Variants in CASP5 observed in about 807,000 individuals in gnomAD.
CASP5 encodes caspase 5.
In CASP5, 42 loss-of-function variants were observed where a neutral mutation model predicts 45.2. The ratio of observed to expected loss-of-function variants is 0.93; its 90% CI spans 0.73 to 1.20. CASP5 has a LOEUF of 1.20. Ranked by LOEUF, CASP5 falls within the 50% of genes most tolerant of loss-of-function variation. CASP5 has a pLI of 0.00. For synonymous variants in CASP5, 209 were observed against 186.2 expected (o/e 1.12, Z -1.00); for missense variants, 512 against 532.2 (o/e 0.96, Z 0.37).
chr11:105,006,854 CT>C (rs747855252), intron 3 of CASP5, among the ~76,000 whole-genome samples: 7 of 152,206 alleles, frequency 4.6e-5, no homozygotes, highest in Admixed American at 6.6e-5. Flanking sequence ...CCCTTATTAA[CT>C]ATTTCTGTGC....
intron 5 of CASP5, among the ~76,000 whole-genome samples, chr11:105,000,821 T>C (rs1383592340): frequency 1.3e-5 from 2 of 152,192 alleles, no homozygotes; most frequent in African/African-American, 2.4e-5. Context: ...TCATGTGTTA[T>C]AAACGCATCA....
At chr11:105,002,943 A>G (rs1356527657) in intron 4 of CASP5, among the ~76,000 whole-genome samples, 1 of 152,122 alleles carries the variant, frequency 6.6e-6, no homozygotes, top group Non-Finnish European at 1.5e-5. Flanking sequence ...CCCGCCTGTA[A>G]TCCCAGTGCT....
chr11:104,995,142 G>C (rs1236603573), intron 9 of CASP5: 1 of 152,212 alleles, frequency 6.6e-6, no homozygotes, highest in African/African-American at 2.4e-5. Context: ...TGAAGGGTCT[G>C]TTTCCCATTT....
chr11:104,998,610 C>T (rs758104274), intron 7 of CASP5, among the ~76,000 whole-genome samples: 18 of 152,024 alleles, frequency 1.2e-4, no homozygotes, highest in Non-Finnish European at 1.6e-4. Context: ...TGGTGTGTGG[C>T]GAATGGGGTT....
At position 105,000,487 on chromosome 11, in the gene CASP5, C is replaced by T; in HGVS notation, c.726G>A (p.Glu242=). Residue 242 remains glutamate (E), a synonymous_variant, in exon 6 of 10, where the codon GAG becomes GAA. Coordinates refer to ENST00000260315, the MANE Select transcript of CASP5 (RefSeq NM_004347.5). ...DEKNLTARDM[E]SVLRAFAARP... is the part of the protein sequence containing the mutation. ...TGGCAGCAAATGCCCTCAGCACTGA[C>T]TCCATATCCTATAAAAGAGCAATGT... 1 of 1,614,026 alleles carries T rather than the reference C, an allele frequency of 6.2e-7. No individual in the cohort carries two copies. Among genetic ancestry groups the T allele is most frequent in the South Asian group, 1.1e-5 (1 of 91,078 alleles).
chr11:105,009,286 G>T (rs538943996), intron 1 of CASP5, among the ~76,000 whole-genome samples: 1 of 151,766 alleles, frequency 6.6e-6, no homozygotes, highest in South Asian at 2.1e-4. Flanking sequence ...TCTCTCTCTT[G>T]CTCAAACTCA....
At chr11:105,007,394 C>A in intron 2 of CASP5, 60 bp from the exon 3 acceptor site, 1 of 1,462,900 alleles carries the variant, frequency 6.8e-7, no homozygotes, top group Non-Finnish European at 9.2e-7. Context: ...TCTGCCTTCA[C>A]CTAAGACATA....
intron 1 of CASP5, among the ~76,000 whole-genome samples, chr11:105,009,634 T>A (rs1282839834): frequency 6.7e-6 from 1 of 148,444 alleles, no homozygotes; most frequent in East Asian, 2.0e-4. Context: ...ATTTAACAAA[T>A]ATTATGGTAG....
chr11:105,001,547 C>T (rs1045194274), intron 5 of CASP5, among the ~76,000 whole-genome samples: 8 of 152,086 alleles, frequency 5.3e-5, no homozygotes, highest in Non-Finnish European at 8.8e-5. Context: ...GCTCCTGTAG[C>T]CCCAGCTACT....
At chr11:104,996,434 A>G (rs1005998120) in intron 8 of CASP5, among the ~76,000 whole-genome samples, 6 of 152,294 alleles carry the variant, frequency 3.9e-5, no homozygotes, top group South Asian at 2.1e-4. Flanking sequence ...TTCTCTATTC[A>G]CAGAAACCCC....
intron 1 of CASP5, among the ~76,000 whole-genome samples, chr11:105,019,996 T>C (rs1862860967): frequency 6.9e-6 from 1 of 145,590 alleles, no homozygotes; most frequent in African/African-American, 2.5e-5. Context: ...GCAAGGCTGG[T>C]TCAATATACG....
chr11:105,007,470 C>T (rs1306340343), intron 2 of CASP5, 136 bp from the exon 3 acceptor site: 18 of 851,880 alleles, frequency 2.1e-5, no homozygotes, highest in African/African-American at 1.7e-5. Context: ...GAATAACACA[C>T]ATCTTTTTTT....
At chr11:105,003,223 G>A in intron 4 of CASP5, 51 bp downstream of exon 4, 2 of 1,119,212 alleles carry the variant, frequency 1.8e-6, no homozygotes, top group South Asian at 2.5e-5. Context: ...TGCATTTAAT[G>A]AAAGCAATTG....
chr11:105,007,978 T>A (rs1195154704), intron 2 of CASP5, among the ~76,000 whole-genome samples: 1 of 152,128 alleles, frequency 6.6e-6, no homozygotes, highest in African/African-American at 2.4e-5. Context: ...GAAAATAATA[T>A]CATAACTACT....
intron 4 of CASP5, 98 bp downstream of exon 4, chr11:105,003,176 G>A: frequency 1.3e-6 from 1 of 784,098 alleles, no homozygotes; most frequent in Non-Finnish European, 2.2e-6. Flanking sequence ...CTCCAGGCTG[G>A]GCAACAGAGC....
chr11:105,019,310 C>A (rs901906367), intron 1 of CASP5, among the ~76,000 whole-genome samples: 31 of 149,910 alleles, frequency 2.1e-4, no homozygotes, highest in African/African-American at 7.5e-4. Context: ...AAAATCAGAG[C>A]AGAACTGAAG....
At chr11:104,998,520 A>G (rs1861571087) in intron 7 of CASP5, among the ~76,000 whole-genome samples, 1 of 152,152 alleles carries the variant, frequency 6.6e-6, no homozygotes, top group Non-Finnish European at 1.5e-5. Context: ...AAAGACAGCC[A>G]GTACTGGGAT....
chr11:105,010,525 TATC>T (rs1862301865), intron 1 of CASP5, among the ~76,000 whole-genome samples: 1 of 141,016 alleles, frequency 7.1e-6, no homozygotes, highest in Non-Finnish European at 1.6e-5. Context: ...ATTATTATTA[TATC>T]ATATCAGTAA....
Position 105,002,102 on chromosome 11 carries a change from C to A in CASP5, c.643G>T (p.Asp215Tyr). Residue 215 changes from aspartate (D) to tyrosine (Y), a missense_variant, in exon 5 of 10, where the codon GAC (aspartate) becomes TAC (tyrosine). Physicochemically the swap from Asp to Tyr is radical, Grantham distance 160 (BLOSUM62 -3). Transcript: ENST00000260315. ...AGCAGCCTTTTCATCCCCACGATGT[C>A]ATAGTGAGCCCCATTCCTTGCAGGC... Reference protein sequence around the residue: ...HLPARNGAHYDIVGMKRLLQG... With the variant: ...HLPARNGAHYYIVGMKRLLQG... 2 of 1,614,138 alleles carry A rather than the reference C, an allele frequency of 1.2e-6. No individual in the cohort carries two copies. The highest frequency in any genetic ancestry group is 1.7e-6 in the Non-Finnish European group (2 of 1,180,010).
Sources: gnomAD v4.1 joint callset for allele counts (sites outside exome capture counted in the v4.1 genomes callset) on GRCh38, gnomAD v4.1.1 for gene constraint, MANE v1.5 for transcripts, NCBI Gene and HGNC (gene_info 2026-07-23, HGNC 2026-07-21) for gene names.